Variants in CFAP299 observed in about 807,000 individuals in gnomAD.
CFAP299 encodes cilia and flagella associated protein 299.
CFAP299 carries 21 observed loss-of-function variants against 27.0 expected under a neutral mutation model. That is an observed-to-expected ratio of 0.78 (90% CI 0.55 to 1.12). The LOEUF is 1.12. Among genes scored for constraint, CFAP299 ranks in the 50% most tolerant of loss-of-function variants. The probability of loss-of-function intolerance (pLI) is 0.00; values close to 1 mark genes in which losing one functional copy is unlikely to be tolerated. For synonymous variants in CFAP299, 104 were observed against 98.1 expected (o/e 1.06, Z -0.36); for missense variants, 310 against 276.6 (o/e 1.12, Z -0.86).
chr4:80,900,601 G>A (rs952347805), intron 4 of CFAP299, among the ~76,000 whole-genome samples: 27 of 152,050 alleles, frequency 1.8e-4, no homozygotes, highest in African/African-American at 6.3e-4. Context: ...AGAAAATTAA[G>A]AAGGGGTTGC....
intron 4 of CFAP299, among the ~76,000 whole-genome samples, chr4:80,943,146 T>C (rs1737283536): frequency 6.6e-6 from 1 of 152,348 alleles, no homozygotes; most frequent in South Asian, 2.1e-4. Context: ...TTAGGGAGAA[T>C]TGACTAAACA....
intron 2 of CFAP299, among the ~76,000 whole-genome samples, chr4:80,574,066 A>G (rs1252059329): frequency 6.6e-6 from 1 of 152,090 alleles, no homozygotes; most frequent in Admixed American, 6.6e-5. Context: ...ACATTTTAAC[A>G]ATATTGTTTC....
intron 3 of CFAP299, among the ~76,000 whole-genome samples, chr4:80,700,490 AG>A: frequency 6.6e-6 from 1 of 152,260 alleles, no homozygotes; most frequent in Non-Finnish European, 1.5e-5. Flanking sequence ...CTAAGGTAGT[AG>A]TACTTCAATT....
chr4:80,817,208 C>A (rs1729464790), intron 3 of CFAP299, among the ~76,000 whole-genome samples: 2 of 151,990 alleles, frequency 1.3e-5, no homozygotes, highest in South Asian at 4.2e-4. Context: ...CTCCACAGGC[C>A]CCTAGAGGAT....
chr4:80,482,301 A>T (rs1472938844), intron 2 of CFAP299, among the ~76,000 whole-genome samples: 1 of 152,056 alleles, frequency 6.6e-6, no homozygotes, highest in African/African-American at 2.4e-5. Flanking sequence ...AAAAATTCAG[A>T]GTGAAATATT....
At chr4:80,746,931 C>A (rs1724643269) in intron 3 of CFAP299, among the ~76,000 whole-genome samples, 1 of 151,958 alleles carries the variant, frequency 6.6e-6, no homozygotes, top group African/African-American at 2.4e-5. Flanking sequence ...ATATGACCAG[C>A]TAGATAAGAT....
chr4:80,347,172 G>C lies in CFAP299; in HGVS notation c.111+11293G>C, dbSNP rs368746826. On this transcript the variant is annotated intron_variant, in intron 1 of 5. Transcript: ENST00000358105. ...TGCTTATCAGCTTAAGGAGATTTTG[G>C]ACTGAGACGATGGGGTTTTCTAAAT... Among the ~76,000 whole-genome samples the C allele has an allele frequency of 2.6e-5, 4 of 152,124 alleles. No homozygotes were observed. In the East Asian group the frequency reaches 7.7e-4, roughly 29 times the overall value.
intron 4 of CFAP299, among the ~76,000 whole-genome samples, chr4:80,882,976 A>G (rs911184746): frequency 6.6e-6 from 1 of 152,178 alleles, no homozygotes; most frequent in Non-Finnish European, 1.5e-5. Flanking sequence ...ACATAAAATT[A>G]TAAATCTCAT....
chr4:80,574,519 G>A (rs1292757565), intron 2 of CFAP299, among the ~76,000 whole-genome samples: 1 of 152,028 alleles, frequency 6.6e-6, no homozygotes. Context: ...GAGAAAGTGG[G>A]CATCCTTGTC....
intron 3 of CFAP299, chr4:80,608,215 A>G (rs1236042800): frequency 1.6e-6 from 1 of 612,150 alleles, no homozygotes; most frequent in East Asian, 2.8e-5. Flanking sequence ...AGTAATTAGG[A>G]AATAGATAAC....
At chr4:80,547,325 A>G (rs993945268) in intron 2 of CFAP299, among the ~76,000 whole-genome samples, 2 of 152,212 alleles carry the variant, frequency 1.3e-5, no homozygotes, top group African/African-American at 2.4e-5. Flanking sequence ...TGGTAGCCAT[A>G]TGCAGAAGAT....
At chr4:80,393,813 T>G (rs967338416) in intron 2 of CFAP299, among the ~76,000 whole-genome samples, 2 of 152,110 alleles carry the variant, frequency 1.3e-5, no homozygotes, top group East Asian at 3.9e-4. Flanking sequence ...TGTTGACCAT[T>G]TGTATGTTGA....
At chr4:80,486,023 G>A (rs1395852591) in intron 2 of CFAP299, among the ~76,000 whole-genome samples, 1 of 151,956 alleles carries the variant, frequency 6.6e-6, no homozygotes, top group African/African-American at 2.4e-5. Context: ...TCAAACTCCT[G>A]GCCTCAAGTG....
chr4:80,810,935 T>C (rs1729122131), intron 3 of CFAP299, among the ~76,000 whole-genome samples: 1 of 152,124 alleles, frequency 6.6e-6, no homozygotes. Flanking sequence ...GCTGCCCCAC[T>C]CATGTGGTTC....
At chr4:80,504,931 T>A (rs1166886557) in intron 2 of CFAP299, among the ~76,000 whole-genome samples, 1 of 148,490 alleles carries the variant, frequency 6.7e-6, no homozygotes, top group East Asian at 1.9e-4. Context: ...ATAAATGATA[T>A]AAATTGTAAA....
chr4:80,807,523 G>A (rs918104725), intron 3 of CFAP299, among the ~76,000 whole-genome samples: 1 of 152,136 alleles, frequency 6.6e-6, no homozygotes, highest in South Asian at 2.1e-4. Flanking sequence ...TGACTCAAAT[G>A]CAAATATGTA....
chr4:80,773,908 T>C (rs1726368485), intron 3 of CFAP299, among the ~76,000 whole-genome samples: 3 of 152,064 alleles, frequency 2.0e-5, no homozygotes. Flanking sequence ...TTAAGTACTC[T>C]AGCAAGTTGC....
intron 2 of CFAP299, among the ~76,000 whole-genome samples, chr4:80,520,636 A>C (rs917384484): frequency 1.3e-5 from 2 of 152,178 alleles, no homozygotes; most frequent in African/African-American, 4.8e-5. Context: ...CTGTGAGATG[A>C]AACCTTGATT....
chr4:80,590,088 T>A (rs1560642093), intron 3 of CFAP299, among the ~76,000 whole-genome samples: 1 of 152,088 alleles, frequency 6.6e-6, no homozygotes. Flanking sequence ...CAATGGGATA[T>A]TATACAGGAA....
Sources: allele counts gnomAD v4.1 joint callset (sites outside exome capture counted in the v4.1 genomes callset), GRCh38; gene constraint gnomAD v4.1.1; transcripts MANE v1.5; gene names NCBI Gene and HGNC (gene_info 2026-07-23, HGNC 2026-07-21).